AGBL4: variants seen among roughly 807,000 people sequenced by gnomAD.
AGBL4 encodes cytosolic carboxypeptidase 6.
In AGBL4, 58 loss-of-function variants were observed where a neutral mutation model predicts 66.4. The observed-to-expected ratio is 0.87, with a 90% CI of 0.71 to 1.09. AGBL4 has a LOEUF of 1.09. AGBL4 is among the 50% of genes least tolerant of loss of function. The pLI, the probability that AGBL4 is intolerant of heterozygous loss-of-function variation, is 0.00. For synonymous variants in AGBL4, 234 were observed against 222.9 expected (o/e 1.05, Z -0.44); for missense variants, 579 against 631.0 (o/e 0.92, Z 0.88).
At chr1:49,694,077 C>A (rs535592671) in intron 3 of AGBL4, among the ~76,000 whole-genome samples, 47 of 152,180 alleles carry the variant, frequency 3.1e-4, no homozygotes, top group African/African-American at 9.9e-4. Context: ...CCTGTTTATA[C>A]AATATATTTG....
At chr1:48,671,804 A>G (rs1646281485) in intron 6 of AGBL4, among the ~76,000 whole-genome samples, 4 of 152,200 alleles carry the variant, frequency 2.6e-5, no homozygotes, top group Admixed American at 2.6e-4. Flanking sequence ...GGCACACATG[A>G]TGTTCTCAGT....
intron 10 of AGBL4, among the ~76,000 whole-genome samples, chr1:48,589,161 C>T (rs1351176323): frequency 2.0e-5 from 3 of 152,132 alleles, no homozygotes; most frequent in Non-Finnish European, 4.4e-5. Context: ...CCCACAGCTG[C>T]AAATGGGGAG....
chr1:48,907,038 C>T (rs529305910), intron 5 of AGBL4, among the ~76,000 whole-genome samples: 3 of 152,290 alleles, frequency 2.0e-5, no homozygotes, highest in African/African-American at 7.2e-5. Context: ...GCCACTTAAA[C>T]TTTCTGTATC....
chr1:48,786,080 C>A (rs1645401225), intron 6 of AGBL4, among the ~76,000 whole-genome samples: 1 of 151,852 alleles, frequency 6.6e-6, no homozygotes. Flanking sequence ...AACATTCGTT[C>A]AGAAGGTTAA....
rs145343239 is a variant in AGBL4, at chr1:49,951,466, C to T, written c.34+72297G>A. On this transcript the variant is annotated intron_variant, in intron 1 of 13. Transcript: ENST00000371839. ...CCACCATAGCCTTACACAGAAAACA[C>T]TTGGCAAGGACATCTGTCCAGCAAC... Among the ~76,000 whole-genome samples, 35 of 152,058 alleles carry T rather than the reference C, an allele frequency of 2.3e-4. No homozygotes were observed. The East Asian group carries it at 6.6e-3, about 29-fold the overall frequency.
At chr1:48,785,162 G>A (rs2148722898) in intron 6 of AGBL4, among the ~76,000 whole-genome samples, 1 of 152,162 alleles carries the variant, frequency 6.6e-6, no homozygotes, top group East Asian at 1.9e-4. Flanking sequence ...ACACTTCCAT[G>A]GCTTCTTATA....
At chr1:49,187,867 T>C (rs1647042797) in intron 4 of AGBL4, among the ~76,000 whole-genome samples, 1 of 152,182 alleles carries the variant, frequency 6.6e-6, no homozygotes, top group South Asian at 2.1e-4. Context: ...TCATCTTAAA[T>C]TGTAACTCCC....
At chr1:48,650,227 T>G (rs1241226746) in intron 8 of AGBL4, among the ~76,000 whole-genome samples, 1 of 152,200 alleles carries the variant, frequency 6.6e-6, no homozygotes, top group Non-Finnish European at 1.5e-5. Context: ...CCTGCATCCC[T>G]GCCCGCTCCT....
At chr1:49,415,332 T>C (rs2148633102) in intron 3 of AGBL4, among the ~76,000 whole-genome samples, 1 of 152,310 alleles carries the variant, frequency 6.6e-6, no homozygotes, top group South Asian at 2.1e-4. Context: ...AATTGATTGC[T>C]TTAAAATATT....
chr1:48,760,031 C>A (rs1249734151), intron 6 of AGBL4, among the ~76,000 whole-genome samples: 3 of 152,276 alleles, frequency 2.0e-5, no homozygotes, highest in African/African-American at 7.2e-5. Flanking sequence ...CAGGGAAGGA[C>A]TACACTTAGG....
chr1:49,164,531 T>G (rs1163835505), intron 4 of AGBL4, among the ~76,000 whole-genome samples: 1 of 152,132 alleles, frequency 6.6e-6, no homozygotes, highest in South Asian at 2.1e-4. Context: ...CAAAGGCATA[T>G]GAAAAAGAGA....
chr1:49,480,517 C>T (rs551231178), intron 3 of AGBL4, among the ~76,000 whole-genome samples: 8 of 148,000 alleles, frequency 5.4e-5, no homozygotes, highest in Middle Eastern at 3.4e-3. Flanking sequence ...TGTTTAACTT[C>T]TTTATAGATG....
chr1:48,742,984 ACTC>A (rs1650154886), intron 6 of AGBL4, among the ~76,000 whole-genome samples: 2 of 152,138 alleles, frequency 1.3e-5, no homozygotes, highest in Non-Finnish European at 2.9e-5. Context: ...AGTGGACTAG[ACTC>A]TAATCAAGTT....
intron 5 of AGBL4, among the ~76,000 whole-genome samples, chr1:48,956,028 T>C (rs1657420544): frequency 6.6e-6 from 1 of 152,248 alleles, no homozygotes; most frequent in South Asian, 2.1e-4. Flanking sequence ...CCTTGTTTGC[T>C]GCAATAGGGA....
intron 1 of AGBL4, among the ~76,000 whole-genome samples, chr1:49,862,828 C>G (rs576712075): frequency 1.3e-5 from 2 of 152,270 alleles, no homozygotes; most frequent in East Asian, 3.9e-4. Flanking sequence ...TAAATAAAGA[C>G]TTTCTCACAC....
intron 4 of AGBL4, among the ~76,000 whole-genome samples, chr1:49,197,002 T>C (rs1242661974): frequency 1.3e-5 from 2 of 151,992 alleles, no homozygotes; most frequent in African/African-American, 4.8e-5. Flanking sequence ...ATTTTTTTTG[T>C]CTTTTTAGTA....
chr1:49,514,442 G>C (rs1338963598), intron 3 of AGBL4, among the ~76,000 whole-genome samples: 1 of 151,892 alleles, frequency 6.6e-6, no homozygotes, highest in Non-Finnish European at 1.5e-5. Context: ...AATCAATATC[G>C]TGAAAATGGC....
chr1:49,717,721 G>C (rs1648264633), intron 2 of AGBL4, among the ~76,000 whole-genome samples: 1 of 151,854 alleles, frequency 6.6e-6, no homozygotes, highest in South Asian at 2.1e-4. Context: ...TTCTTGTTTT[G>C]TTTATTGTTA....
At chr1:49,763,587 C>T (rs1046991475) in intron 2 of AGBL4, among the ~76,000 whole-genome samples, 2 of 152,188 alleles carry the variant, frequency 1.3e-5, no homozygotes, top group Admixed American at 6.5e-5. Context: ...CCACCTGGGA[C>T]TAGCATGGAG....
Sources: allele counts gnomAD v4.1 joint callset (sites outside exome capture counted in the v4.1 genomes callset), GRCh38; gene constraint gnomAD v4.1.1; transcripts MANE v1.5; gene names NCBI Gene and HGNC (gene_info 2026-07-23, HGNC 2026-07-21).